MOCS3: variants seen among roughly 807,000 people sequenced by gnomAD.
The protein encoded by MOCS3 is molybdenum cofactor synthesis 3.
A neutral mutation model predicts 8.4 loss-of-function variants in MOCS3; 9 were observed. The observed-to-expected ratio is 1.07, with a 90% CI of 0.65 to 1.87. The LOEUF (loss-of-function observed/expected upper bound fraction) is 1.87. MOCS3 is among the 40% of genes most tolerant of loss of function. MOCS3 has a pLI of 0.00. For synonymous variants in MOCS3, 294 were observed against 272.0 expected, an observed-to-expected ratio of 1.08 and a Z score of -0.80; for missense variants, 581 against 599.7, an observed-to-expected ratio of 0.97 and a Z score of 0.33.
rs962933569 is a variant in MOCS3 at position 50,958,898 on chromosome 20, A to C, written c.56A>C (p.Glu19Ala). 6.2e-7 allele frequency: 1 copy of C among 1,604,842 alleles called. No homozygotes were observed. The change falls in exon 1 of 1, where the codon GAG (glutamate) becomes GCG (alanine). Residue 19 changes from glutamate to alanine, a missense_variant. Physicochemically the swap from Glu to Ala is moderately radical, Grantham distance 107. Coordinates refer to ENST00000244051, the MANE Select transcript of MOCS3 (RefSeq NM_014484.5). ...CAAGCTGAAGTTGCCCAACGTGAGGAGGAATTGAATTCGCTGAAGCAGAAG... is the reference window on the plus strand; with the variant it reads ...CAAGCTGAAGTTGCCCAACGTGAGGCGGAATTGAATTCGCTGAAGCAGAAG... ...ALQAEVAQRE[E>A]ELNSLKQKLA...
chr20:50,960,343 A>C lies in MOCS3; in HGVS notation c.*118A>C, dbSNP rs1453706385. On this transcript the variant is annotated 3_prime_UTR_variant, in exon 1 of 1. Coordinates refer to ENST00000244051, the MANE Select transcript of MOCS3 (RefSeq NM_014484.5). The stretch of plus-strand genomic sequence containing the variant: ...TGGGGATTCTACAGTATCTGTGAAT[A>C]CGTGGACTCCTTTTTATAAGGAGTT... The C allele has an allele frequency of 9.7e-7, 1 of 1,032,786 alleles. No individual in the cohort carries two copies. The allele number at this position is 1,032,786 out of a possible 1,614,324, so 64.0% of individuals were successfully genotyped here.
chr20:50,963,750 G>A lies in MOCS3; in HGVS notation c.*3525G>A, dbSNP rs1987145740. On this transcript the variant is annotated 3_prime_UTR_variant, in exon 1 of 1. Transcript: ENST00000244051. ...ATTTTGAGCACTTACTGTGTTATTT[G>A]GGATTTGAATCCAGATGCTCTGGTT... The A allele has an allele frequency of 1.3e-5, 2 of 152,194 alleles. No homozygotes were observed. The highest frequency in any genetic ancestry group is 4.8e-5 in the African/African-American group (2 of 41,450). 9.4% of individuals were successfully genotyped at this position (152,194 alleles called of 1,614,324 possible). A position where few individuals can be genotyped will look rare whatever the true frequency, so the allele number is the denominator to read the frequency against.
rs2123161824 is a variant in MOCS3, at chr20:50,960,184, G to A, written c.1342G>A (p.Ala448Thr). The stretch of plus-strand genomic sequence containing the variant: ...TCGGGATGTTGTGGGGGGCCTCATG[G>A]CCTGGGCTGCCAAAATCGATGGAAC... Reference protein sequence around the residue: ...TVRDVVGGLMAWAAKIDGTFP... With the variant: ...TVRDVVGGLMTWAAKIDGTFP... Residue 448 changes from alanine (A) to threonine (T), a missense_variant, in exon 1 of 1, where the codon GCC (alanine) becomes ACC (threonine). Coordinates refer to ENST00000244051, the MANE Select transcript of MOCS3 (RefSeq NM_014484.5). The A allele has an allele frequency of 1.9e-6, 3 of 1,613,940 alleles. No individual in the cohort carries two copies. The highest frequency in any genetic ancestry group is 2.5e-6 in the Non-Finnish European group (3 of 1,179,874).
Position 50,958,825 on chromosome 20 carries a change from C to T in MOCS3, c.-18C>T, listed in dbSNP as rs550555879. ...GAAGCGGAAATGCCTTTCACGACAA[C>T]TTCCGGAAGAGGTCGCCATGGCTTC... On this transcript the variant is annotated 5_prime_UTR_variant, in exon 1 of 1. Coordinates refer to ENST00000244051, the MANE Select transcript of MOCS3 (RefSeq NM_014484.5). The T allele has an allele frequency of 6.3e-7, 1 of 1,575,796 alleles. No individual in the cohort carries two copies. The highest frequency in any genetic ancestry group is 1.4e-5 in the African/African-American group (1 of 73,836).
Position 50,959,584 on chromosome 20 carries a change from G to C in MOCS3, c.742G>C (p.Val248Leu). The C allele has an allele frequency of 6.2e-7, 1 of 1,614,138 alleles. No individual in the cohort carries two copies. Among genetic ancestry groups the C allele is most frequent in the Non-Finnish European group, 8.5e-7 (1 of 1,180,048 alleles). ...NCADGGVLGV[V>L]TGVLGCLQAL... Reference sequence around the variant, plus strand: ...CGCGGACGGCGGGGTGCTCGGTGTCGTTACCGGGGTCCTGGGCTGCCTGCA... The same window carrying C: ...CGCGGACGGCGGGGTGCTCGGTGTCCTTACCGGGGTCCTGGGCTGCCTGCA... The change falls in exon 1 of 1, where the codon GTT becomes CTT. Residue 248 changes from valine (V) to leucine (L), a missense_variant. Transcript: ENST00000244051.
chr20:50,960,044 A>G lies in MOCS3; in HGVS notation c.1202A>G (p.Gln401Arg). 6.2e-7 allele frequency: 1 copy of G among 1,614,274 alleles called. No homozygotes were observed. Among genetic ancestry groups the G allele is most frequent in the Non-Finnish European group, 8.5e-7 (1 of 1,180,046 alleles). ...ATCTGGGAAGAGAAGCAGGGCACAC[A>G]AGAAGGGGCTGCTGTCCCCATTTAT... is the stretch of plus-strand genomic sequence containing the variant. ...EAIWEEKQGT[Q>R]EGAAVPIYVI... The change falls in exon 1 of 1, where the codon CAA becomes CGA. Residue 401 changes from glutamine (Q) to arginine (R), a missense_variant. By Grantham distance (43) the Gln-to-Arg change is conservative. Coordinates refer to ENST00000244051, the MANE Select transcript of MOCS3 (RefSeq NM_014484.5).
rs760117703 is a variant in MOCS3, at chr20:50,959,104, G to T, written c.262G>T (p.Val88Leu). Residue 88 changes from valine to leucine, a missense_variant, in exon 1 of 1, where the codon GTG becomes TTG. By Grantham distance (32) the Val-to-Leu change is conservative (BLOSUM62 1). Coordinates refer to ENST00000244051, the MANE Select transcript of MOCS3 (RefSeq NM_014484.5). Reference sequence around the variant, plus strand: ...CCTGGGGACCGCGTGCGTGCTAATCGTGGGCTGCGGTGGGCTCGGCTGTCC... The same window carrying T: ...CCTGGGGACCGCGTGCGTGCTAATCTTGGGCTGCGGTGGGCTCGGCTGTCC... Reference protein sequence around the residue: ...LRLGTACVLIVGCGGLGCPLA... With the variant: ...LRLGTACVLILGCGGLGCPLA... 2 of 1,612,984 alleles carry T rather than the reference G, an allele frequency of 1.2e-6. No individual in the cohort carries two copies. Among genetic ancestry groups the T allele is most frequent in the South Asian group, 1.1e-5 (1 of 91,078 alleles).
At position 50,959,220 on chromosome 20, in the gene MOCS3, G is replaced by C. The variant is rs112533531; in HGVS notation, c.378G>C (p.Val126=). The C allele has an allele frequency of 3.7e-6, 6 of 1,611,258 alleles. No homozygotes were observed. In the South Asian group the frequency reaches 6.6e-5, roughly 18 times the overall value. The change falls in exon 1 of 1, where the codon GTG becomes GTC. Residue 126 remains valine, a synonymous_variant. Coordinates refer to ENST00000244051, the MANE Select transcript of MOCS3 (RefSeq NM_014484.5). ...VVEMSNLARQ[V]LHGEALAGQA... ...AGATGAGCAACCTGGCCCGCCAAGTGCTGCATGGCGAGGCACTGGCTGGCC... is the reference window on the plus strand; with the variant it reads ...AGATGAGCAACCTGGCCCGCCAAGTCCTGCATGGCGAGGCACTGGCTGGCC...
At position 50,958,956 on chromosome 20, in the gene MOCS3, G is replaced by A. The variant is rs767035473; in HGVS notation, c.114G>A (p.Pro38=). The A allele has an allele frequency of 1.1e-5, 18 of 1,610,680 alleles. No individual in the cohort carries two copies. The South Asian group carries it at 2.0e-4, about 18-fold the overall frequency. The change falls in exon 1 of 1, where the codon CCG becomes CCA. Residue 38 remains proline, a synonymous_variant. Transcript: ENST00000244051. Reference sequence around the variant, plus strand: ...CGGCTCTTTTGGCTGAGCAGGAACCGCAGCCAGAACGGCTGGTTCCGGTGT... The same window carrying A: ...CGGCTCTTTTGGCTGAGCAGGAACCACAGCCAGAACGGCTGGTTCCGGTGT... ...LASALLAEQE[P]QPERLVPVSP... is the part of the protein sequence containing the mutation.
rs199642678 is a variant in MOCS3 at position 50,958,840 on chromosome 20, G to T, written c.-3G>T. The T allele has an allele frequency of 1.5e-5, 23 of 1,583,526 alleles. No individual in the cohort carries two copies. The East Asian group carries it at 4.1e-4, about 28-fold the overall frequency. Reference sequence around the variant, plus strand: ...TTCACGACAACTTCCGGAAGAGGTCGCCATGGCTTCCCGGGAGGAGGTACT... The same window carrying T: ...TTCACGACAACTTCCGGAAGAGGTCTCCATGGCTTCCCGGGAGGAGGTACT... On this transcript the variant is annotated 5_prime_UTR_variant, in exon 1 of 1. Coordinates refer to ENST00000244051, the MANE Select transcript of MOCS3 (RefSeq NM_014484.5).
chr20:50,959,129 C>T lies in MOCS3; in HGVS notation c.287C>T (p.Pro96Leu). Residue 96 changes from proline (P) to leucine (L), a missense_variant, in exon 1 of 1, where the codon CCA (proline) becomes CTA (leucine). Pro to Leu is a moderately conservative substitution (Grantham distance 98, BLOSUM62 -3). Transcript: ENST00000244051. ...GTGGGCTGCGGTGGGCTCGGCTGTC[C>T]ACTAGCGCAGTACTTGGCAGCGGCC... ...LIVGCGGLGC[P>L]LAQYLAAAGV... 1 of 1,613,110 alleles carries T rather than the reference C, an allele frequency of 6.2e-7. No homozygotes were observed. The highest frequency in any genetic ancestry group is 8.5e-7 in the Non-Finnish European group (1 of 1,179,928).
chr20:50,960,234 G>T lies in MOCS3; in HGVS notation c.*9G>T, dbSNP rs985195809. 3 of 1,587,494 alleles carry T rather than the reference G, an allele frequency of 1.9e-6. No individual in the cohort carries two copies. Among genetic ancestry groups the T allele is most frequent in the African/African-American group, 1.4e-5 (1 of 73,800 alleles). On this transcript the variant is annotated 3_prime_UTR_variant, in exon 1 of 1. Transcript: ENST00000244051. ...CATTTCCACAGTACTGAGGTGACTG[G>T]TATAGTCTGATGAGAAAGATGTGGA... is the stretch of plus-strand genomic sequence containing the variant.
At position 50,961,487 on chromosome 20, in the gene MOCS3, AATC is replaced by A. The variant is rs1358071751; in HGVS notation, c.*1267_*1269del. The A allele has an allele frequency of 1.3e-5, 2 of 152,316 alleles. No homozygotes were observed. Among genetic ancestry groups the A allele is most frequent in the Non-Finnish European group, 2.9e-5 (2 of 68,038 alleles). 9.4% of individuals were successfully genotyped at this position (152,316 alleles called of 1,614,324 possible). A position where few individuals can be genotyped will look rare whatever the true frequency, so the allele number is the denominator to read the frequency against. On this transcript the variant is annotated 3_prime_UTR_variant, in exon 1 of 1. Coordinates refer to ENST00000244051, the MANE Select transcript of MOCS3 (RefSeq NM_014484.5). ...TCCTGCTTGCTGCATGCAGGCTTAT[AATC>A]ATCAATTGCTGCTGTTGTTTTTTTA...
Position 50,959,087 on chromosome 20 carries a change from C to T in MOCS3, c.245C>T (p.Thr82Ile), listed in dbSNP as rs774066873. ...LGVHGQLRLGTACVLIVGCGG... is the reference protein window; with the variant it reads ...LGVHGQLRLGIACVLIVGCGG... ...GTGCACGGACAGCTGCGCCTGGGGA[C>T]CGCGTGCGTGCTAATCGTGGGCTGC... Residue 82 changes from threonine to isoleucine, a missense_variant, in exon 1 of 1, where the codon ACC becomes ATC. By Grantham distance (89) the Thr-to-Ile change is moderately conservative. Coordinates refer to ENST00000244051, the MANE Select transcript of MOCS3 (RefSeq NM_014484.5). 2.5e-6 allele frequency: 4 copies of T among 1,612,938 alleles called. No homozygotes were observed. The highest frequency in any genetic ancestry group is 2.7e-5 in the African/African-American group (2 of 74,950).
Position 50,961,752 on chromosome 20 carries a change from A to G in MOCS3, c.*1527A>G, listed in dbSNP as rs942649155. On this transcript the variant is annotated 3_prime_UTR_variant, in exon 1 of 1. Coordinates refer to ENST00000244051, the MANE Select transcript of MOCS3 (RefSeq NM_014484.5). ...ATTGTAACTAATTCTTTGAACAGGT[A>G]TACTTAAAGTATGGTATACCCTTCT... 3.3e-5 allele frequency: 5 copies of G among 152,212 alleles called. No homozygotes were observed. Among genetic ancestry groups the G allele is most frequent in the Admixed American group, 3.3e-4 (5 of 15,278 alleles). 9.4% of individuals were successfully genotyped at this position (152,212 alleles called of 1,614,324 possible).
Position 50,962,390 on chromosome 20 carries a change from A to G in MOCS3, c.*2165A>G, listed in dbSNP as rs558229413. On this transcript the variant is annotated 3_prime_UTR_variant, in exon 1 of 1. Transcript: ENST00000244051. ...ATTACATGCCTACATCTTAGCTGCAAGAGAGGCTGGGAATTTGTGTTTTGA... is the reference window on the plus strand; with the variant it reads ...ATTACATGCCTACATCTTAGCTGCAGGAGAGGCTGGGAATTTGTGTTTTGA... 17 of 152,374 alleles carry G rather than the reference A, an allele frequency of 1.1e-4. 1 individual carries two copies. The highest frequency in any genetic ancestry group is 9.8e-4 in the Admixed American group (15 of 15,306). The allele number at this position is 152,374 out of a possible 1,614,324, so 9.4% of individuals were successfully genotyped here.
Position 50,959,550 on chromosome 20 carries a change from G to A in MOCS3, c.708G>A (p.Val236=). 2 of 1,614,108 alleles carry A rather than the reference G, an allele frequency of 1.2e-6. No homozygotes were observed. Among genetic ancestry groups the A allele is most frequent in the Non-Finnish European group, 1.7e-6 (2 of 1,180,034 alleles). Residue 236 remains valine (V), a synonymous_variant, in exon 1 of 1, where the codon GTG becomes GTA. Coordinates refer to ENST00000244051, the MANE Select transcript of MOCS3 (RefSeq NM_014484.5). ...CCCAACCACCCCCAGCGGAGACAGTGACCAACTGCGCGGACGGCGGGGTGC... is the reference window on the plus strand; with the variant it reads ...CCCAACCACCCCCAGCGGAGACAGTAACCAACTGCGCGGACGGCGGGGTGC... The part of the protein sequence containing the change: ...IFPQPPPAET[V]TNCADGGVLG...
Position 50,962,224 on chromosome 20 carries a change from C to T in MOCS3, c.*1999C>T, listed in dbSNP as rs1344966048. On this transcript the variant is annotated 3_prime_UTR_variant, in exon 1 of 1. Transcript: ENST00000244051. ...ACCGGAGGAAACGCCACTACAGTCT[C>T]ACCAGTTTCACTTGACGTGCCCCCC... 1.3e-5 allele frequency: 2 copies of T among 152,298 alleles called. No individual in the cohort carries two copies. The highest frequency in any genetic ancestry group is 6.5e-5 in the Admixed American group (1 of 15,274). 9.4% of individuals were successfully genotyped at this position (152,298 alleles called of 1,614,324 possible). A position where few individuals can be genotyped will look rare whatever the true frequency, so the allele number is the denominator to read the frequency against.
rs967496859 is a variant in MOCS3 at position 50,959,455 on chromosome 20, G to C, written c.613G>C (p.Ala205Pro). The C allele has an allele frequency of 6.2e-7, 1 of 1,613,862 alleles. No individual in the cohort carries two copies. The highest frequency in any genetic ancestry group is 8.5e-7 in the Non-Finnish European group (1 of 1,180,048). Reference sequence around the variant, plus strand: ...GGGTCGGCCCCTCGTGTCTGCCAGTGCCTTGCGCTTCGAGGGCCAAATCAC... The same window carrying C: ...GGGTCGGCCCCTCGTGTCTGCCAGTCCCTTGCGCTTCGAGGGCCAAATCAC... Reference protein sequence around the residue: ...LAGRPLVSASALRFEGQITVY... With the variant: ...LAGRPLVSASPLRFEGQITVY... The change falls in exon 1 of 1, where the codon GCC becomes CCC. Residue 205 changes from alanine to proline, a missense_variant. By Grantham distance (27) the Ala-to-Pro change is conservative. Coordinates refer to ENST00000244051, the MANE Select transcript of MOCS3 (RefSeq NM_014484.5).
Sources: allele counts gnomAD v4.1 joint callset, GRCh38; gene constraint gnomAD v4.1.1; transcripts MANE v1.5; gene names NCBI Gene and HGNC (gene_info 2026-07-23, HGNC 2026-07-21).